Variants in METTL2A observed in about 807,000 individuals in gnomAD.
METTL2A encodes the protein tRNA N(3)-cytidine methyltransferase METTL2A.
A neutral mutation model predicts 49.4 loss-of-function variants in METTL2A; 45 were observed. That is an observed-to-expected ratio of 0.91 (90% confidence interval 0.72 to 1.17). The LOEUF is 1.17. Ranked by LOEUF, METTL2A falls within the 50% of genes most tolerant of loss-of-function variation. The probability of loss-of-function intolerance (pLI) is 0.00; values close to 1 mark genes in which losing one functional copy is unlikely to be tolerated. For missense variants in METTL2A, 361 were observed against 462.2 expected, an observed-to-expected ratio of 0.78 and a Z score of 2.01; for synonymous variants, 118 against 167.5, an observed-to-expected ratio of 0.70 and a Z score of 2.28.
chr17:62,438,576 C>CA (rs35559687), intron 5 of METTL2A, among the ~76,000 whole-genome samples: 1,632 of 76,704 alleles, frequency 0.021, 28 homozygotes, highest in African/African-American at 0.043. Context: ...GACTCTGTTT[C>CA]AAAAAAAAAA....
At chr17:62,424,337 A>G in intron 2 of METTL2A, 27 bp downstream of exon 2, 3 of 1,613,546 alleles carry the variant, frequency 1.9e-6, no homozygotes, top group South Asian at 2.2e-5. Context: ...TCTCATTGGT[A>G]TCAACAGCCA....
intron 6 of METTL2A, among the ~76,000 whole-genome samples, chr17:62,444,174 C>T (rs1188191246): frequency 6.6e-6 from 1 of 152,244 alleles, no homozygotes; most frequent in Non-Finnish European, 1.5e-5. Context: ...TAGCAGAACC[C>T]ACTGGATGCT....
At position 62,448,781 on chromosome 17, in the gene METTL2A, TA is replaced by T. The variant is rs373258331; in HGVS notation, c.*62del. ...AGCCCATTGTGTTTCCGGGCTTTTT[TA>T]AAAAAAAAATTGTAGCACTGGGCGT... is the stretch of plus-strand genomic sequence containing the variant. On this transcript the variant is annotated 3_prime_UTR_variant, in exon 9 of 9. Transcript: ENST00000311506. The T allele has an allele frequency of 3.6e-4, 545 of 1,513,730 alleles. 2 individuals are homozygous for T. The highest frequency in any genetic ancestry group is 2.0e-3 in the South Asian group (163 of 81,572). The allele number at this position is 1,513,730 out of a possible 1,614,324, so 93.8% of individuals were successfully genotyped here. A position where few individuals can be genotyped will look rare whatever the true frequency, so the allele number is the denominator to read the frequency against.
rs553045708 is a variant in METTL2A at position 62,428,678 on chromosome 17, A to G, written c.608+841A>G. 3.3e-5 allele frequency among the ~76,000 whole-genome samples: 5 copies of G among 152,362 alleles called. No individual in the cohort carries two copies. The South Asian group carries it at 1.0e-3, about 32-fold the overall frequency. On this transcript the variant is annotated intron_variant, in intron 4 of 8. Transcript: ENST00000311506. ...TTAACAGCCAGCTGAAGAAGTAATTAGAGTGGGGTTCAGAGGATCTCACGC... is the reference window on the plus strand; with the variant it reads ...TTAACAGCCAGCTGAAGAAGTAATTGGAGTGGGGTTCAGAGGATCTCACGC...
At chr17:62,440,585 C>T (rs2144150514) in intron 5 of METTL2A, 32 bp from the exon 6 acceptor site, 1 of 1,589,178 alleles carries the variant, frequency 6.3e-7, no homozygotes, top group South Asian at 1.2e-5. Context: ...TTAATATTTT[C>T]TAACTTACCT....
chr17:62,444,674 C>T (rs1352379751), intron 6 of METTL2A, among the ~76,000 whole-genome samples, 163 bp from the exon 7 acceptor site: 1 of 152,190 alleles, frequency 6.6e-6, no homozygotes, highest in Non-Finnish European at 1.5e-5. Context: ...GAGCAGGCAG[C>T]TAATGTCCTT....
chr17:62,425,430 A>G (rs1160052077), intron 2 of METTL2A, among the ~76,000 whole-genome samples: 1 of 134,766 alleles, frequency 7.4e-6, no homozygotes, highest in African/African-American at 2.8e-5. Flanking sequence ...CTCTGTCACC[A>G]GGCTGGAGTG....
rs746285382 is a variant in METTL2A at position 62,444,861 on chromosome 17, G to A, written c.834G>A (p.Leu278=). 2.5e-6 allele frequency: 4 copies of A among 1,613,942 alleles called. No individual in the cohort carries two copies. Among genetic ancestry groups the A allele is most frequent in the Non-Finnish European group, 3.4e-6 (4 of 1,179,938 alleles). The change falls in exon 7 of 9, where the codon CTG becomes CTA. Residue 278 remains leucine, a synonymous_variant. Coordinates refer to ENST00000311506, the MANE Select transcript of METTL2A (RefSeq NM_181725.4). ...GGATGCAGAAGGCTATCAACAGGCT[G>A]AGCAGGCTTCTGAAACCTGGCGGGA... ...PDKMQKAINR[L]SRLLKPGGMM... is the part of the protein sequence containing the mutation.
intron 1 of METTL2A, 25 bp downstream of exon 1, chr17:62,424,037 G>T (rs769133514): frequency 6.2e-7 from 1 of 1,609,502 alleles, no homozygotes; most frequent in Non-Finnish European, 8.5e-7. Flanking sequence ...CCTTCGCCCG[G>T]CCTGTCGCTG....
At chr17:62,426,090 C>T (rs1169662360) in intron 2 of METTL2A, among the ~76,000 whole-genome samples, 1 of 151,868 alleles carries the variant, frequency 6.6e-6, no homozygotes, top group Non-Finnish European at 1.5e-5. Flanking sequence ...AATTTAGACT[C>T]TCCTATAATG....
At chr17:62,445,011 G>A in intron 7 of METTL2A, 68 bp downstream of exon 7, 2 of 1,526,596 alleles carry the variant, frequency 1.3e-6, no homozygotes, top group Non-Finnish European at 1.8e-6. Flanking sequence ...GATGAAGCTG[G>A]AAATCATCAT....
At chr17:62,437,302 A>G (rs2070707545) in intron 5 of METTL2A, among the ~76,000 whole-genome samples, 1 of 152,012 alleles carries the variant, frequency 6.6e-6, no homozygotes, top group South Asian at 2.1e-4. Flanking sequence ...GTCTAGACAA[A>G]CTCAAAGCAA....
rs758003925 is a variant in METTL2A at position 62,449,293 on chromosome 17, T to G, written c.*564T>G. 2.1e-5 allele frequency: 8 copies of G among 384,286 alleles called. No individual in the cohort carries two copies. The highest frequency in any genetic ancestry group is 3.3e-5 in the Admixed American group (1 of 29,954). 23.8% of individuals were successfully genotyped at this position (384,286 alleles called of 1,614,324 possible). A position where few individuals can be genotyped will look rare whatever the true frequency, so the allele number is the denominator to read the frequency against. On this transcript the variant is annotated 3_prime_UTR_variant, in exon 9 of 9. Transcript: ENST00000311506. ...ATACAGAGGTTAGTGAAGGGCTTAT[T>G]AAGTTGTAGGGGAAGCAAGCTGGGA... is the stretch of plus-strand genomic sequence containing the variant.
At position 62,426,448 on chromosome 17, in the gene METTL2A, G is replaced by A. The variant is rs2070627348; in HGVS notation, c.352G>A (p.Glu118Lys). The A allele has an allele frequency of 6.2e-7, 1 of 1,614,030 alleles. No homozygotes were observed. Among genetic ancestry groups the A allele is most frequent in the African/African-American group, 1.3e-5 (1 of 74,918 alleles). Residue 118 changes from glutamate (E) to lysine (K), a missense_variant, in exon 3 of 9, where the codon GAG becomes AAG. By Grantham distance (56) the Glu-to-Lys change is moderately conservative (BLOSUM62 1). Coordinates refer to ENST00000311506, the MANE Select transcript of METTL2A (RefSeq NM_181725.4). ...NQNHLKDWFL[E>K]NKSEVPECRN... ...AAATCATTTGAAGGACTGGTTCTTG[G>A]AGAACAAGAGTGAAGTACCTGAATG...
intron 6 of METTL2A, among the ~76,000 whole-genome samples, chr17:62,443,812 G>C (rs56960811): frequency 4.6e-5 from 7 of 151,968 alleles, no homozygotes; most frequent in Non-Finnish European, 8.8e-5. Flanking sequence ...GGCTGGTCTC[G>C]AACTCCTGAC....
intron 7 of METTL2A, among the ~76,000 whole-genome samples, chr17:62,445,795 A>AG (rs940357004): frequency 2.0e-5 from 3 of 151,976 alleles, no homozygotes; most frequent in African/African-American, 7.2e-5. Context: ...AACTGTCTCA[A>AG]GAAAAAAAAA....
Position 62,453,112 on chromosome 17 carries a change from GCA to G in METTL2A, c.*4386_*4387del, listed in dbSNP as rs2070813975. Among the ~76,000 whole-genome samples, 1 of 151,990 alleles carries G rather than the reference GCA, an allele frequency of 6.6e-6. No individual in the cohort carries two copies. The highest frequency in any genetic ancestry group is 6.6e-5 in the Admixed American group (1 of 15,238). The stretch of plus-strand genomic sequence containing the variant: ...TCCCTAAAGCATTTCAACACTATAG[GCA>G]CAGTTTTTATTTTATCTTTCTGGCA... On this transcript the variant is annotated 3_prime_UTR_variant, in exon 9 of 9. Transcript: ENST00000311506.
intron 4 of METTL2A, among the ~76,000 whole-genome samples, chr17:62,432,887 T>A (rs1266010230): frequency 3.1e-5 from 1 of 32,786 alleles, no homozygotes; most frequent in Non-Finnish European, 8.7e-5. Context: ...TGGTTGGGGC[T>A]GCAGTGAGCC....
chr17:62,450,146 G>A lies in METTL2A; in HGVS notation c.*1417G>A, dbSNP rs1056845214. ...TTTTTGCAAAATTATCTTTTTTAAT[G>A]CACCCTTAAGTGTTTGACACAAAAG... is the stretch of plus-strand genomic sequence containing the variant. On this transcript the variant is annotated 3_prime_UTR_variant, in exon 9 of 9. Transcript: ENST00000311506. 6.7e-6 allele frequency: 1 copy of A among 149,466 alleles called. No individual in the cohort carries two copies. The highest frequency in any genetic ancestry group is 2.5e-5 in the African/African-American group (1 of 40,572). The allele number at this position is 149,466 out of a possible 1,614,324, so 9.3% of individuals were successfully genotyped here. A position where few individuals can be genotyped will look rare whatever the true frequency, so the allele number is the denominator to read the frequency against.
Sources: allele counts gnomAD v4.1 joint callset (sites outside exome capture counted in the v4.1 genomes callset), GRCh38; gene constraint gnomAD v4.1.1; transcripts MANE v1.5; gene names NCBI Gene and HGNC (gene_info 2026-07-23, HGNC 2026-07-21).